The following DMD variants were observed in gnomAD, a reference collection of about 807,000 sequenced individuals.
DMD encodes the protein mutant dystrophin.
In DMD, 63 loss-of-function variants were observed where a neutral mutation model predicts 330.1. That is an observed-to-expected ratio of 0.19 (90% CI 0.16 to 0.24). The LOEUF is 0.24. Ranked by LOEUF, DMD falls within the 10% of genes least tolerant of loss-of-function variation. The pLI is 1.00. For synonymous variants in DMD, 1,223 were observed against 959.8 expected, an observed-to-expected ratio of 1.27 and a Z score of -5.07; for missense variants, 3,344 against 2,684.1, an observed-to-expected ratio of 1.25 and a Z score of -5.43.
At chrX:33,285,201 A>G (rs1304202056) in intron 1 of DMD, among the ~76,000 whole-genome samples, 2 of 111,938 alleles carry the variant, frequency 1.8e-5, no homozygotes, top group Non-Finnish European at 3.8e-5. Context: ...ATTTTTAAAA[A>G]AGAAAACCAT....
intron 61 of DMD, among the ~76,000 whole-genome samples, chrX:31,342,641 A>G (rs1602002580): frequency 8.9e-6 from 1 of 112,104 alleles, no homozygotes; most frequent in Non-Finnish European, 1.9e-5. Flanking sequence ...CTTGTAAAAT[A>G]TTAAGAAAAC....
chrX:31,512,652 C>T lies in DMD; in HGVS notation c.8218-5199G>A, dbSNP rs756735293. On this transcript the variant is annotated intron_variant, in intron 55 of 78. Coordinates refer to ENST00000357033, the MANE Select transcript of DMD (RefSeq NM_004006.3). Reference sequence around the variant, plus strand: ...TAAAGATCAGATAGTTGTAGATATGCGGCATTATTTCTGAGGGCTCTGTTC... The same window carrying T: ...TAAAGATCAGATAGTTGTAGATATGTGGCATTATTTCTGAGGGCTCTGTTC... 5.4e-5 allele frequency among the ~76,000 whole-genome samples: 6 copies of T among 110,339 alleles called. No individual in the cohort carries two copies. The South Asian group carries it at 1.6e-3, about 29-fold the overall frequency.
chrX:31,290,798 A>G (rs1284934580), intron 62 of DMD, among the ~76,000 whole-genome samples: 2 of 112,167 alleles, frequency 1.8e-5, no homozygotes, highest in East Asian at 5.5e-4. Context: ...AAACAAACAA[A>G]CAAACAAAAA....
intron 2 of DMD, among the ~76,000 whole-genome samples, chrX:32,982,058 C>T (rs1420028401): frequency 9.0e-6 from 1 of 111,311 alleles, no homozygotes; most frequent in Non-Finnish European, 1.9e-5. Flanking sequence ...GACTGTATTC[C>T]CTCTTACTGG....
chrX:32,408,173 C>G (rs1208660510), intron 30 of DMD, among the ~76,000 whole-genome samples: 1 of 111,446 alleles, frequency 9.0e-6, no homozygotes, highest in Non-Finnish European at 1.9e-5. Context: ...ATAAAATACT[C>G]CTAGGTCAAC....
At chrX:32,081,241 C>T (rs751066441) in intron 44 of DMD, among the ~76,000 whole-genome samples, 1 of 112,179 alleles carries the variant, frequency 8.9e-6, no homozygotes, top group African/African-American at 3.2e-5. Context: ...AATTGCATGA[C>T]GAAATTGGCT....
At chrX:33,106,046 TACACACACCACACACACAC>T (rs1287779998) in intron 1 of DMD, among the ~76,000 whole-genome samples, 2 of 21,821 alleles carry the variant, frequency 9.2e-5, no homozygotes, top group African/African-American at 2.6e-4. Flanking sequence ...AAATGTGAGA[TACACACACCACACACACAC>T]ACACACACAC....
At chrX:32,126,219 G>A (rs940951494) in intron 44 of DMD, among the ~76,000 whole-genome samples, 3 of 112,317 alleles carry the variant, frequency 2.7e-5, no homozygotes, top group Admixed American at 9.5e-5. Context: ...CATGCATGCC[G>A]TTTCTGTGCT....
chrX:33,331,346 C>T (rs2054173352), intron 1 of DMD, among the ~76,000 whole-genome samples: 1 of 111,667 alleles, frequency 9.0e-6, no homozygotes, highest in African/African-American at 3.3e-5. Context: ...TCCCACATCT[C>T]CCCTAAAACC....
At chrX:32,465,941 G>C (rs1006437177) in intron 23 of DMD, among the ~76,000 whole-genome samples, 3 of 110,668 alleles carry the variant, frequency 2.7e-5, no homozygotes, top group Admixed American at 9.6e-5. Context: ...TATCTGCCTC[G>C]GTCTCACCTC....
intron 2 of DMD, among the ~76,000 whole-genome samples, chrX:32,850,973 G>C (rs1309791400): frequency 9.0e-6 from 1 of 111,705 alleles, no homozygotes; most frequent in Admixed American, 9.5e-5. Context: ...CATTAGAAAG[G>C]ACTAAAGAAC....
intron 7 of DMD, among the ~76,000 whole-genome samples, chrX:32,719,038 T>A (rs2065999754): frequency 8.9e-6 from 1 of 111,765 alleles, no homozygotes; most frequent in Admixed American, 9.6e-5. Flanking sequence ...TACCTACATA[T>A]ATAGTTACTC....
chrX:32,853,662 G>A (rs2081306356), intron 2 of DMD, among the ~76,000 whole-genome samples: 1 of 107,977 alleles, frequency 9.3e-6, no homozygotes, highest in Non-Finnish European at 1.9e-5. Context: ...AAGACAGGAT[G>A]GAAGAGAAAG....
At chrX:31,129,307 A>G (rs1176932636) in intron 77 of DMD, among the ~76,000 whole-genome samples, 1 of 112,051 alleles carries the variant, frequency 8.9e-6, no homozygotes, top group Non-Finnish European at 1.9e-5. Flanking sequence ...CTGTTATTTT[A>G]TAAGTCAAAA....
intron 67 of DMD, among the ~76,000 whole-genome samples, chrX:31,185,704 T>C (rs926254766): frequency 8.9e-6 from 1 of 111,836 alleles, no homozygotes; most frequent in African/African-American, 3.2e-5. Flanking sequence ...TTGCTATTTC[T>C]TCTGGTTCTC....
At chrX:32,616,242 T>C (rs770004876) in intron 11 of DMD, among the ~76,000 whole-genome samples, 1 of 110,885 alleles carries the variant, frequency 9.0e-6, no homozygotes, top group South Asian at 3.8e-4. Context: ...AGTTACTCTT[T>C]CCCCCTCTTT....
At chrX:32,699,925 T>A (rs771001481) in intron 7 of DMD, among the ~76,000 whole-genome samples, 16 of 112,201 alleles carry the variant, frequency 1.4e-4, no homozygotes, top group Non-Finnish European at 2.4e-4. Flanking sequence ...ATCACTTTCC[T>A]TCTCAGACAT....
chrX:32,036,870 GT>G (rs1388432198), intron 44 of DMD, among the ~76,000 whole-genome samples: 1 of 111,370 alleles, frequency 9.0e-6, no homozygotes, highest in Non-Finnish European at 1.9e-5. Context: ...GGAACAGAGT[GT>G]TTTAAGCAGA....
rs1021719552 is a variant in DMD, at chrX:32,616,612, AC to A, written c.1332-2160del. 4.5e-4 allele frequency among the ~76,000 whole-genome samples: 48 copies of A among 106,727 alleles called. 1 individual carries two copies. Among genetic ancestry groups the A allele is most frequent in the Non-Finnish European group, 7.9e-4 (41 of 51,746 alleles). 92.7% of individuals were successfully genotyped at this position (106,727 alleles called of 115,157 possible). On this transcript the variant is annotated intron_variant, in intron 11 of 78. Coordinates refer to ENST00000357033, the MANE Select transcript of DMD (RefSeq NM_004006.3). ...TAGCATGTTCTTACTATCTGGCACT[AC>A]CAAATGTTCCAGGCTCATTTTCTAT...
Sources: allele counts gnomAD v4.1 joint callset (sites outside exome capture counted in the v4.1 genomes callset), GRCh38; gene constraint gnomAD v4.1.1; transcripts MANE v1.5; gene names NCBI Gene and HGNC (gene_info 2026-07-23, HGNC 2026-07-21).